CEP162: variants seen among roughly 807,000 people sequenced by gnomAD.
CEP162 encodes centrosomal protein 162.
In CEP162, 141 loss-of-function variants were observed where a neutral mutation model predicts 169.2. The observed-to-expected ratio is 0.83, with a 90% CI of 0.73 to 0.96. The LOEUF (loss-of-function observed/expected upper bound fraction) is 0.96, where lower values mean the gene tolerates loss of function less well. Among genes scored for constraint, CEP162 ranks in the 40% least tolerant of loss-of-function variants. The pLI is 0.00. For synonymous variants in CEP162, 540 were observed against 526.4 expected (o/e 1.03, Z -0.35); for missense variants, 1,600 against 1,587.2 (o/e 1.01, Z -0.14).
rs540026799 is a variant in CEP162 at position 84,125,072 on chromosome 6, A to C, written c.4210T>G (p.Ter1404GluextTer1). The C allele has an allele frequency of 2.3e-5, 37 of 1,609,244 alleles. No individual in the cohort carries two copies. The South Asian group carries it at 3.9e-4, about 17-fold the overall frequency. Residue 1404 changes from the stop codon to glutamate, a stop_lost, in exon 27 of 27, where the codon TAA (stop) becomes GAA (glutamate). Coordinates refer to ENST00000403245, the MANE Select transcript of CEP162 (RefSeq NM_014895.4). ...TCATTATGAAATCTGAATTTCTATT[A>C]ATACTCTGGTGCATTCATTTCATCT... ...FADEMNAPEY[*>E]
intron 13 of CEP162, among the ~76,000 whole-genome samples, chr6:84,179,029 A>T (rs2099533614): frequency 6.6e-6 from 1 of 152,154 alleles, no homozygotes; most frequent in African/African-American, 2.4e-5. Flanking sequence ...CATGGTGTAT[A>T]TGTGCCACAT....
chr6:84,152,143 G>A (rs2099521349), intron 23 of CEP162, among the ~76,000 whole-genome samples: 1 of 152,152 alleles, frequency 6.6e-6, no homozygotes, highest in Non-Finnish European at 1.5e-5. Context: ...TTTGAAAAGA[G>A]GACCTTTTCC....
intron 25 of CEP162, among the ~76,000 whole-genome samples, chr6:84,128,396 TG>T (rs1165025365): frequency 6.6e-6 from 1 of 152,188 alleles, no homozygotes; most frequent in Non-Finnish European, 1.5e-5. Context: ...CTTCCTGCTA[TG>T]TACACATTAT....
chr6:84,219,028 T>C, intron 3 of CEP162: 1 of 373,120 alleles, frequency 2.7e-6, no homozygotes, highest in South Asian at 2.5e-5. Flanking sequence ...AAGCCGAACA[T>C]TTTATTCCTA....
chr6:84,150,251 T>C lies in CEP162; in HGVS notation c.3630-548A>G, dbSNP rs532916508. On this transcript the variant is annotated intron_variant, in intron 23 of 26. Coordinates refer to ENST00000403245, the MANE Select transcript of CEP162 (RefSeq NM_014895.4). ...ATTGGACTGTAAGTGTGAAAGACTA[T>C]TCATTTGTCTCTGTGATAAAATTTA... is the stretch of plus-strand genomic sequence containing the variant. Among the ~76,000 whole-genome samples, 456 of 152,280 alleles carry C rather than the reference T, an allele frequency of 3.0e-3. 1 individual carries two copies. Among genetic ancestry groups the C allele is most frequent in the Middle Eastern group, 6.8e-3 (2 of 294 alleles).
intron 21 of CEP162, 49 bp downstream of exon 21, chr6:84,160,763 A>G: frequency 8.6e-7 from 1 of 1,166,764 alleles, no homozygotes. Flanking sequence ...GAAAACCAAA[A>G]TGCACTATAT....
intron 7 of CEP162, 91 bp from the exon 8 acceptor site, chr6:84,201,858 G>T: frequency 1.5e-6 from 1 of 664,818 alleles, no homozygotes; most frequent in East Asian, 3.0e-5. Context: ...CTGAAATCCA[G>T]GGCTTTTTAT....
chr6:84,203,923 G>A (rs907846652), intron 7 of CEP162, 58 bp downstream of exon 7: 12 of 982,518 alleles, frequency 1.2e-5, no homozygotes, highest in Non-Finnish European at 1.8e-5. Context: ...TATAGCAATA[G>A]GCAGCCAGGT....
rs2099508463 is a variant in CEP162, at chr6:84,125,279, G to A, written c.4006-3C>T. 2 of 1,611,892 alleles carry A rather than the reference G, an allele frequency of 1.2e-6. No individual in the cohort carries two copies. Among genetic ancestry groups the A allele is most frequent in the Non-Finnish European group, 1.7e-6 (2 of 1,178,772 alleles). ...ACTTGGTGTGTTTGCTGTATTATCT[G>A]CAAATACAAAAATTCCACATTGCTG... is the stretch of plus-strand genomic sequence containing the variant. On this transcript the variant is annotated splice_region_variant and splice_polypyrimidine_tract_variant and intron_variant, in intron 26 of 26. Transcript: ENST00000403245.
Position 84,153,109 on chromosome 6 carries a change from G to A in CEP162, c.3065C>T (p.Pro1022Leu), listed in dbSNP as rs1257185082. Residue 1022 changes from proline to leucine, a missense_variant, in exon 23 of 27, where the codon CCC becomes CTC. Transcript: ENST00000403245. The stretch of plus-strand genomic sequence containing the variant: ...TTCCTTCTCTAGGGCTTTAATTCTG[G>A]GAGAGTCATGTTGATTCAATTTGCA... ...LACKLNQHDS[P>L]RIKALEKELD... 6.2e-7 allele frequency: 1 copy of A among 1,612,544 alleles called. No individual in the cohort carries two copies. The highest frequency in any genetic ancestry group is 2.2e-5 in the East Asian group (1 of 44,840).
intron 25 of CEP162, among the ~76,000 whole-genome samples, chr6:84,128,867 G>A (rs759816352): frequency 1.8e-4 from 22 of 125,238 alleles, no homozygotes; most frequent in Non-Finnish European, 3.3e-4. Flanking sequence ...GACAGGCCCC[G>A]GTGTGTGATG....
chr6:84,152,380 T>C (rs566714269), intron 23 of CEP162, among the ~76,000 whole-genome samples, 165 bp downstream of exon 23: 1 of 152,300 alleles, frequency 6.6e-6, no homozygotes, highest in African/African-American at 2.4e-5. Context: ...TAGAAGACCC[T>C]ATCCTGAAAC....
intron 9 of CEP162, among the ~76,000 whole-genome samples, chr6:84,197,488 T>C (rs993500722): frequency 6.6e-6 from 1 of 152,048 alleles, no homozygotes; most frequent in Admixed American, 6.6e-5. Context: ...GTATTATTAT[T>C]ACAAGTCAAA....
intron 9 of CEP162, among the ~76,000 whole-genome samples, chr6:84,198,288 TA>T (rs1413766035): frequency 6.6e-6 from 1 of 152,096 alleles, no homozygotes; most frequent in Non-Finnish European, 1.5e-5. Flanking sequence ...TTTATTTATT[TA>T]TTTTTTGAGA....
chr6:84,153,431 A>G (rs2099521897), intron 22 of CEP162, among the ~76,000 whole-genome samples: 1 of 152,200 alleles, frequency 6.6e-6, no homozygotes, highest in South Asian at 2.1e-4. Context: ...ATTAACTTAC[A>G]TATGTTCTTA....
intron 18 of CEP162, among the ~76,000 whole-genome samples, chr6:84,164,119 A>AT (rs1345843261): frequency 6.6e-6 from 1 of 152,182 alleles, no homozygotes; most frequent in African/African-American, 2.4e-5. Context: ...ATCACTGGTC[A>AT]TAGAGAAATG....
At chr6:84,210,737 T>A (rs2099549117) in intron 6 of CEP162, among the ~76,000 whole-genome samples, 1 of 152,138 alleles carries the variant, frequency 6.6e-6, no homozygotes, top group African/African-American at 2.4e-5. Flanking sequence ...ATGCTGTAAG[T>A]TAGACAATTC....
At chr6:84,165,508 T>TA (rs1314988050) in intron 18 of CEP162, among the ~76,000 whole-genome samples, 2 of 152,074 alleles carry the variant, frequency 1.3e-5, no homozygotes, top group Non-Finnish European at 2.9e-5. Context: ...GTTATACCTC[T>TA]AGTATGGCAT....
intron 25 of CEP162, 49 bp downstream of exon 25, chr6:84,146,638 A>C (rs1205170403): frequency 2.5e-6 from 2 of 796,088 alleles, no homozygotes; most frequent in Non-Finnish European, 4.0e-6. Flanking sequence ...ATATGATTGA[A>C]ATGCCTAAGA....
Sources: allele counts gnomAD v4.1 joint callset (sites outside exome capture counted in the v4.1 genomes callset), GRCh38; gene constraint gnomAD v4.1.1; transcripts MANE v1.5; gene names NCBI Gene and HGNC (gene_info 2026-07-23, HGNC 2026-07-21).